The following SERPINE2 variants were observed in gnomAD, a reference collection of about 807,000 sequenced individuals.
SERPINE2 encodes glia-derived nexin.
SERPINE2 carries 14 observed loss-of-function variants against 36.3 expected under a neutral mutation model. The observed-to-expected ratio is 0.39, with a 90% confidence interval of 0.25 to 0.60. SERPINE2 has a LOEUF of 0.60. Ranked by LOEUF, SERPINE2 falls within the 20% of genes least tolerant of loss-of-function variation. The pLI is 0.57. For synonymous variants in SERPINE2, 192 were observed against 191.8 expected, an observed-to-expected ratio of 1.00 and a Z score of -0.01; for missense variants, 418 against 499.6, an observed-to-expected ratio of 0.84 and a Z score of 1.56.
chr2:223,999,334 G>C (rs954275705), intron 2 of SERPINE2, among the ~76,000 whole-genome samples: 1 of 152,186 alleles, frequency 6.6e-6, no homozygotes, highest in Non-Finnish European at 1.5e-5. Flanking sequence ...TTTCTAAAGA[G>C]AGCTCAAATT....
intron 1 of SERPINE2, among the ~76,000 whole-genome samples, chr2:224,032,460 A>G (rs189204372): frequency 2.0e-5 from 3 of 152,146 alleles, no homozygotes; most frequent in African/African-American, 7.2e-5. Flanking sequence ...TGCTCTCAAG[A>G]GAAATTCCCC....
chr2:224,034,743 C>A (rs982156452), intron 1 of SERPINE2, among the ~76,000 whole-genome samples: 3 of 152,186 alleles, frequency 2.0e-5, no homozygotes, highest in Non-Finnish European at 4.4e-5. Context: ...TTTACAGACT[C>A]CCCACTGCTG....
At chr2:223,982,318 AAGG>A in intron 6 of SERPINE2, 1 of 163,562 alleles carries the variant, frequency 6.1e-6, no homozygotes, top group Middle Eastern at 3.1e-3. Context: ...GGAGACTCAG[AAGG>A]AGGAGGGTGG....
At position 224,030,275 on chromosome 2, in the gene SERPINE2, G is replaced by A. The variant is rs116172342; in HGVS notation, c.-23+8824C>T. The A allele has an allele frequency of 1.0e-2, 9,669 of 968,568 alleles. 266 individuals carry two copies. The highest frequency in any genetic ancestry group is 0.09 in the African/African-American group (5,107 of 56,936). The allele number at this position is 968,568 out of a possible 1,614,324, so 60.0% of individuals were successfully genotyped here. ...GCCCACTGAGAGTGCAGCAGGAAAG[G>A]TGTCTGGAAACAAAGCATGCAAAGA... On this transcript the variant is annotated intron_variant, in intron 1 of 8. Coordinates refer to ENST00000409304, the MANE Select transcript of SERPINE2 (RefSeq NM_001136528.2).
chr2:224,011,761 G>T (rs1691629497), intron 1 of SERPINE2, among the ~76,000 whole-genome samples: 1 of 152,070 alleles, frequency 6.6e-6, no homozygotes, highest in Non-Finnish European at 1.5e-5. Flanking sequence ...ATCCTAATGT[G>T]ATAATAAAAA....
At chr2:224,038,650 T>A in intron 1 of SERPINE2, 2 of 746,372 alleles carry the variant, frequency 2.7e-6, no homozygotes, top group Non-Finnish European at 4.7e-6. Flanking sequence ...CAAGTAAGAG[T>A]GCGCCAGTCT....
chr2:224,024,963 C>A (rs1453373333), intron 1 of SERPINE2, among the ~76,000 whole-genome samples: 1 of 152,212 alleles, frequency 6.6e-6, no homozygotes, highest in Non-Finnish European at 1.5e-5. Flanking sequence ...TTACTCACAG[C>A]CAATTATGGA....
chr2:223,995,911 T>C (rs988528043), intron 3 of SERPINE2, among the ~76,000 whole-genome samples: 2 of 152,238 alleles, frequency 1.3e-5, no homozygotes, highest in South Asian at 2.1e-4. Flanking sequence ...GGTTTACCTA[T>C]TGAACTACAT....
chr2:223,994,336 A>G (rs145943281), intron 3 of SERPINE2, among the ~76,000 whole-genome samples: 2 of 152,324 alleles, frequency 1.3e-5, no homozygotes, highest in East Asian at 3.9e-4. Context: ...GAGACAAATA[A>G]TGCCTCCAAC....
chr2:224,038,646 A>G, intron 1 of SERPINE2: 3 of 758,722 alleles, frequency 4.0e-6, no homozygotes, highest in South Asian at 1.5e-5. Flanking sequence ...GTAACAAGTA[A>G]GAGTGCGCCA....
chr2:223,998,182 A>G lies in SERPINE2; in HGVS notation c.420T>C (p.Asn140=). ...NKDVFQCEVR[N]VNFEDPASAC... Reference sequence around the variant, plus strand: ...CAGAGGCTGGATCCTCAAAGTTCACATTCCGGACCTCACACTGGAACACAT... The same window carrying G: ...CAGAGGCTGGATCCTCAAAGTTCACGTTCCGGACCTCACACTGGAACACAT... Residue 140 remains asparagine (N), a synonymous_variant, in exon 3 of 9, where the codon AAT becomes AAC. Transcript: ENST00000409304. 6.2e-7 allele frequency: 1 copy of G among 1,614,252 alleles called. No homozygotes were observed. The highest frequency in any genetic ancestry group is 8.5e-7 in the Non-Finnish European group (1 of 1,180,046).
intron 1 of SERPINE2, among the ~76,000 whole-genome samples, chr2:224,022,462 G>A (rs1257303654): frequency 1.3e-5 from 2 of 151,878 alleles, no homozygotes; most frequent in Admixed American, 6.6e-5. Context: ...TTTATTTCAC[G>A]AATTAAGAAA....
intron 1 of SERPINE2, among the ~76,000 whole-genome samples, chr2:224,022,559 C>A (rs1191760718): frequency 6.6e-6 from 1 of 152,126 alleles, no homozygotes; most frequent in South Asian, 2.1e-4. Flanking sequence ...TCTGACATTA[C>A]AAAATTAGTC....
chr2:224,016,242 G>A (rs1444573380), intron 1 of SERPINE2, among the ~76,000 whole-genome samples: 1 of 152,242 alleles, frequency 6.6e-6, no homozygotes, highest in Non-Finnish European at 1.5e-5. Context: ...GCTCACGCCT[G>A]TAATCCCAGC....
intron 4 of SERPINE2, among the ~76,000 whole-genome samples, chr2:223,986,551 A>G (rs1420089931): frequency 6.6e-6 from 1 of 151,964 alleles, no homozygotes; most frequent in African/African-American, 2.4e-5. Context: ...TTAAATCTCT[A>G]TTCTGGCGGA....
chr2:223,983,693 TGCACAC>T (rs55877703), intron 5 of SERPINE2, among the ~76,000 whole-genome samples: 108,297 of 146,610 alleles, frequency 0.74, 40,273 homozygotes, highest in Non-Finnish European at 0.81. Flanking sequence ...TGGAGATATA[TGCACAC>T]ACACACACAC....
intron 1 of SERPINE2, among the ~76,000 whole-genome samples, chr2:224,015,396 A>G (rs892821801): frequency 2.6e-5 from 4 of 152,210 alleles, no homozygotes; most frequent in African/African-American, 9.6e-5. Flanking sequence ...TGGAGGATGG[A>G]CTGGAAGTGA....
chr2:223,994,420 G>C (rs1247443961), intron 3 of SERPINE2, among the ~76,000 whole-genome samples: 9 of 152,218 alleles, frequency 5.9e-5, no homozygotes, highest in African/African-American at 2.2e-4. Context: ...TAGAGGCAAA[G>C]AGGCACATGG....
rs138941992 is a variant in SERPINE2 at position 224,028,422 on chromosome 2, G to A, written c.-23+10677C>T. 4.9e-3 allele frequency among the ~76,000 whole-genome samples: 739 copies of A among 152,308 alleles called. 7 individuals are homozygous for A. The highest frequency in any genetic ancestry group is 0.016 in the African/African-American group (683 of 41,562). On this transcript the variant is annotated intron_variant, in intron 1 of 8. Transcript: ENST00000409304. ...GGACCTGGGGTTTGAAACCAAGTTT[G>A]TTTGACCTCTAAACTCATCCTCTGC...
Sources: gnomAD v4.1 joint callset for allele counts (sites outside exome capture counted in the v4.1 genomes callset) on GRCh38, gnomAD v4.1.1 for gene constraint, MANE v1.5 for transcripts, NCBI Gene and HGNC (gene_info 2026-07-23, HGNC 2026-07-21) for gene names.